Variants in GRM8 observed in about 807,000 individuals in gnomAD.
GRM8 encodes metabotropic glutamate receptor 8.
Under a neutral mutation model 87.2 loss-of-function variants are expected in GRM8, and 47 were observed. The observed-to-expected ratio is 0.54, with a 90% CI of 0.43 to 0.69. The LOEUF (loss-of-function observed/expected upper bound fraction) is 0.69, where lower values mean the gene tolerates loss of function less well. Among genes scored for constraint, GRM8 ranks in the 30% least tolerant of loss-of-function variants. The pLI is 0.00. For missense variants in GRM8, 1,019 were observed against 1,139.2 expected, an observed-to-expected ratio of 0.89 and a Z score of 1.52; for synonymous variants, 396 against 404.5, an observed-to-expected ratio of 0.98 and a Z score of 0.25.
intron 3 of GRM8, among the ~76,000 whole-genome samples, chr7:126,952,993 T>C (rs1211868533): frequency 6.6e-6 from 1 of 152,104 alleles, no homozygotes; most frequent in Non-Finnish European, 1.5e-5. Flanking sequence ...TGGGTTCTGA[T>C]AATTGCACTC....
chr7:126,848,908 A>G (rs1488356125), intron 6 of GRM8, among the ~76,000 whole-genome samples: 1 of 152,214 alleles, frequency 6.6e-6, no homozygotes, highest in East Asian at 1.9e-4. Flanking sequence ...ACAGTTACAT[A>G]TGGCTGGGAA....
intron 6 of GRM8, among the ~76,000 whole-genome samples, chr7:126,889,899 G>A (rs1800838469): frequency 6.6e-6 from 1 of 152,002 alleles, no homozygotes; most frequent in Non-Finnish European, 1.5e-5. Context: ...CATTGTATTA[G>A]TTAGGATGCT....
intron 7 of GRM8, among the ~76,000 whole-genome samples, chr7:126,693,909 T>C (rs920725676): frequency 6.6e-6 from 1 of 152,102 alleles, no homozygotes; most frequent in African/African-American, 2.4e-5. Flanking sequence ...TTTTCATAAA[T>C]GTATCAGTCA....
At chr7:126,843,177 G>T (rs1019609770) in intron 6 of GRM8, among the ~76,000 whole-genome samples, 4 of 152,102 alleles carry the variant, frequency 2.6e-5, no homozygotes, top group African/African-American at 9.7e-5. Flanking sequence ...ATGAAGTGTT[G>T]GGATTTCAGC....
intron 7 of GRM8, among the ~76,000 whole-genome samples, chr7:126,755,314 T>C (rs1816883097): frequency 6.6e-6 from 1 of 151,956 alleles, no homozygotes; most frequent in African/African-American, 2.4e-5. Flanking sequence ...ATTCTCTTTA[T>C]GGTTTTGGCT....
intron 8 of GRM8, among the ~76,000 whole-genome samples, chr7:126,580,086 C>A (rs1279484319): frequency 6.6e-6 from 1 of 151,926 alleles, no homozygotes; most frequent in Non-Finnish European, 1.5e-5. Flanking sequence ...ACTAATAATT[C>A]AAATGGCCAA....
rs867258671 is a variant in GRM8, at chr7:127,104,267, G to T, written c.727+2229C>A. On this transcript the variant is annotated intron_variant, in intron 3 of 10. Transcript: ENST00000339582. ...TCTCTTTCTCACTCAAGCTACTGAG[G>T]TTTTTTTTTAAAAACACACTACTAA... Among the ~76,000 whole-genome samples, 12 of 151,502 alleles carry T rather than the reference G, an allele frequency of 7.9e-5. 1 individual carries two copies. In the Middle Eastern group the frequency reaches 0.01, roughly 129 times the overall value.
At chr7:127,013,807 C>G (rs1248617889) in intron 3 of GRM8, among the ~76,000 whole-genome samples, 1 of 152,162 alleles carries the variant, frequency 6.6e-6, no homozygotes, top group Non-Finnish European at 1.5e-5. Flanking sequence ...AACCTATAAT[C>G]AAATCCTCTC....
At chr7:126,742,908 T>C (rs34351088) in intron 7 of GRM8, among the ~76,000 whole-genome samples, 57,209 of 151,446 alleles carry the variant, frequency 0.38, 12,199 homozygotes, top group Non-Finnish European at 0.48. Context: ...AGATTTCAAG[T>C]TTTCTGCGGG....
At chr7:126,653,389 A>T (rs1804156999) in intron 7 of GRM8, among the ~76,000 whole-genome samples, 1 of 151,844 alleles carries the variant, frequency 6.6e-6, no homozygotes, top group Admixed American at 6.6e-5. Flanking sequence ...CAAACCATTT[A>T]TTTCACAGAA....
intron 10 of GRM8, among the ~76,000 whole-genome samples, chr7:126,441,658 G>T (rs1801474301): frequency 6.6e-6 from 1 of 152,000 alleles, no homozygotes; most frequent in Non-Finnish European, 1.5e-5. Flanking sequence ...AATAAGACTA[G>T]AAATTGTAAA....
At chr7:126,447,004 T>C (rs1262518424) in intron 9 of GRM8, 2 of 152,096 alleles carry the variant, frequency 1.3e-5, no homozygotes, top group African/African-American at 4.8e-5. Flanking sequence ...GGTGCTTTTA[T>C]AAAATATGTA....
chr7:127,165,002 T>C (rs543580893), intron 2 of GRM8, among the ~76,000 whole-genome samples: 1 of 151,628 alleles, frequency 6.6e-6, no homozygotes, highest in Middle Eastern at 3.4e-3. Flanking sequence ...AGGTACTATA[T>C]TACCATTTAT....
rs1818794881 is a variant in GRM8 at position 126,771,051 on chromosome 7, C to T, written c.1157-986G>A. On this transcript the variant is annotated intron_variant, in intron 6 of 10. Coordinates refer to ENST00000339582, the MANE Select transcript of GRM8 (RefSeq NM_000845.3). ...AAAAAATGATCTCCTGTCACTTCTA[C>T]ATCCCTCACCAACCCTTACACAACT... is the stretch of plus-strand genomic sequence containing the variant. 2.0e-5 allele frequency among the ~76,000 whole-genome samples: 3 copies of T among 152,070 alleles called. No individual in the cohort carries two copies. In the South Asian group the frequency reaches 6.2e-4, roughly 32 times the overall value.
intron 3 of GRM8, among the ~76,000 whole-genome samples, chr7:127,047,136 T>C (rs554531106): frequency 6.6e-6 from 1 of 152,332 alleles, no homozygotes; most frequent in East Asian, 1.9e-4. Flanking sequence ...GTTAAAAATT[T>C]TTTTTAAAAA....
At chr7:126,524,946 A>G (rs935874540) in intron 9 of GRM8, among the ~76,000 whole-genome samples, 7 of 151,916 alleles carry the variant, frequency 4.6e-5, no homozygotes, top group Admixed American at 1.3e-4. Context: ...ACATTTTCTT[A>G]TATTTCCTGA....
At chr7:126,729,292 T>C (rs1404404474) in intron 7 of GRM8, among the ~76,000 whole-genome samples, 2 of 152,138 alleles carry the variant, frequency 1.3e-5, no homozygotes, top group Admixed American at 6.6e-5. Flanking sequence ...AAATGTCATC[T>C]GGCCCCAGGA....
intron 6 of GRM8, among the ~76,000 whole-genome samples, chr7:126,858,048 C>T (rs992977351): frequency 6.6e-6 from 1 of 152,142 alleles, no homozygotes; most frequent in Non-Finnish European, 1.5e-5. Context: ...CTGAGCCTTC[C>T]TAGTCTTCCT....
chr7:127,168,854 G>A (rs888826282), intron 2 of GRM8, among the ~76,000 whole-genome samples: 5 of 151,960 alleles, frequency 3.3e-5, no homozygotes, highest in African/African-American at 1.2e-4. Context: ...GGGGCCTGTC[G>A]GGTGGGGGCT....
Sources: allele counts gnomAD v4.1 joint callset (sites outside exome capture counted in the v4.1 genomes callset), GRCh38; gene constraint gnomAD v4.1.1; transcripts MANE v1.5; gene names NCBI Gene and HGNC (gene_info 2026-07-23, HGNC 2026-07-21).